The following PRKG1 variants were observed in gnomAD, a reference collection of about 807,000 sequenced individuals.
PRKG1 encodes protein kinase cGMP-dependent 1, also known as cGMP-dependent protein kinase 1.
Under a neutral mutation model 88.1 loss-of-function variants are expected in PRKG1, and 35 were observed. The observed-to-expected ratio is 0.40, with a 90% CI of 0.30 to 0.53. PRKG1 has a LOEUF of 0.53. Among genes scored for constraint, PRKG1 ranks in the 20% least tolerant of loss-of-function variants. The pLI is 0.59. For missense variants in PRKG1, 540 were observed against 839.8 expected (o/e 0.64, Z 4.41); for synonymous variants, 303 against 292.5 (o/e 1.04, Z -0.37).
At chr10:51,441,151 A>G (rs1358048261) in intron 2 of PRKG1, among the ~76,000 whole-genome samples, 1 of 151,832 alleles carries the variant, frequency 6.6e-6, no homozygotes, top group Admixed American at 6.6e-5. Flanking sequence ...TTGGATGGTG[A>G]CCATGATGGG....
At chr10:51,866,645 G>T (rs1005104954) in intron 4 of PRKG1, among the ~76,000 whole-genome samples, 2 of 152,060 alleles carry the variant, frequency 1.3e-5, no homozygotes, top group South Asian at 4.1e-4. Context: ...TGCCCATGAG[G>T]TACACTAATT....
chr10:51,911,587 A>T (rs914911113), intron 5 of PRKG1, among the ~76,000 whole-genome samples: 2 of 152,210 alleles, frequency 1.3e-5, no homozygotes, highest in African/African-American at 4.8e-5. Context: ...GTACTCATAC[A>T]TTTGTTTTCA....
intron 5 of PRKG1, among the ~76,000 whole-genome samples, chr10:52,018,775 T>A (rs1845107944): frequency 1.3e-5 from 2 of 152,154 alleles, no homozygotes; most frequent in Non-Finnish European, 2.9e-5. Context: ...TGAATTCAAC[T>A]CCATTGAAAC....
In PRKG1 at chr10:51,400,387, G is replaced by A. The variant is rs182958125; in HGVS notation, c.479-67336G>A. ...TCTCTAAGGAAATAACTTTTACATT[G>A]AGACCTAAATGGCAAGAAGGAGCCA... is the stretch of plus-strand genomic sequence containing the variant. On this transcript the variant is annotated intron_variant, in intron 2 of 17. Transcript: ENST00000373980. Among the ~76,000 whole-genome samples the A allele has an allele frequency of 1.6e-3, 239 of 152,262 alleles. 1 individual carries two copies. Among genetic ancestry groups the A allele is most frequent in the African/African-American group, 5.7e-3 (235 of 41,550 alleles).
chr10:51,003,031 A>T (rs1021443740), intron 1 of PRKG1, among the ~76,000 whole-genome samples: 35 of 152,232 alleles, frequency 2.3e-4, no homozygotes, highest in Non-Finnish European at 4.4e-5. Flanking sequence ...ATCAATGTAT[A>T]GAAATGCTCT....
At chr10:52,093,670 G>A (rs1330691815) in intron 7 of PRKG1, among the ~76,000 whole-genome samples, 1 of 152,142 alleles carries the variant, frequency 6.6e-6, no homozygotes, top group African/African-American at 2.4e-5. Flanking sequence ...TTTCTTCTTT[G>A]TTTTGAATTA....
intron 1 of PRKG1, among the ~76,000 whole-genome samples, chr10:51,049,884 A>G (rs957378376): frequency 6.6e-6 from 1 of 152,136 alleles, no homozygotes; most frequent in Non-Finnish European, 1.5e-5. Context: ...TATGCATGGC[A>G]TGGGTATTCT....
chr10:51,123,408 G>A (rs1021394404), intron 1 of PRKG1, among the ~76,000 whole-genome samples: 7 of 151,952 alleles, frequency 4.6e-5, no homozygotes, highest in East Asian at 3.9e-4. Flanking sequence ...ACCTGAGCCC[G>A]GGCCTGGTGG....
chr10:51,652,799 T>G (rs1310359854), intron 3 of PRKG1, among the ~76,000 whole-genome samples: 1 of 152,244 alleles, frequency 6.6e-6, no homozygotes, highest in South Asian at 2.1e-4. Context: ...ACAGTCACCA[T>G]GCCGTGCAAC....
intron 3 of PRKG1, among the ~76,000 whole-genome samples, chr10:51,621,044 A>G (rs1368832085): frequency 2.9e-5 from 3 of 102,308 alleles, no homozygotes; most frequent in East Asian, 4.0e-4. Context: ...ACTCCTATAT[A>G]TGTGTGTGTC....
At chr10:52,164,175 AC>A (rs1838363455) in intron 9 of PRKG1, among the ~76,000 whole-genome samples, 1 of 151,952 alleles carries the variant, frequency 6.6e-6, no homozygotes, top group Non-Finnish European at 1.5e-5. Flanking sequence ...ACATGGTGAA[AC>A]CCTGTTGCTA....
chr10:51,994,839 A>G (rs1234734668), intron 5 of PRKG1, among the ~76,000 whole-genome samples: 2 of 152,164 alleles, frequency 1.3e-5, no homozygotes, highest in Admixed American at 1.3e-4. Flanking sequence ...TGAAGAAGTC[A>G]CTGCTTCTAT....
At chr10:51,976,674 G>C (rs1843842463) in intron 5 of PRKG1, among the ~76,000 whole-genome samples, 1 of 151,908 alleles carries the variant, frequency 6.6e-6, no homozygotes, top group South Asian at 2.1e-4. Context: ...AAATTCTTAA[G>C]TTAGATTGTA....
intron 10 of PRKG1, among the ~76,000 whole-genome samples, chr10:52,264,032 T>G (rs1430372402): frequency 2.0e-5 from 3 of 152,160 alleles, no homozygotes; most frequent in African/African-American, 7.2e-5. Context: ...ATGTCTTTTT[T>G]CCTGTTGAAT....
At chr10:51,749,988 T>A (rs1434999531) in intron 3 of PRKG1, among the ~76,000 whole-genome samples, 2 of 148,012 alleles carry the variant, frequency 1.4e-5, no homozygotes, top group Non-Finnish European at 3.0e-5. Context: ...CAGGCTGGAG[T>A]GCAATGGCGT....
intron 5 of PRKG1, among the ~76,000 whole-genome samples, chr10:51,944,567 T>C (rs1589442857): frequency 6.6e-6 from 1 of 152,242 alleles, no homozygotes; most frequent in East Asian, 1.9e-4. Flanking sequence ...TTTTGGATCT[T>C]TCCTGCTTTC....
At chr10:52,218,795 G>A (rs1840175672) in intron 9 of PRKG1, among the ~76,000 whole-genome samples, 1 of 152,022 alleles carries the variant, frequency 6.6e-6, no homozygotes. Context: ...AGCCATTAAT[G>A]TTTTCAGGGC....
chr10:51,898,867 A>G (rs866680092), intron 4 of PRKG1, among the ~76,000 whole-genome samples: 4 of 152,146 alleles, frequency 2.6e-5, no homozygotes, highest in Non-Finnish European at 5.9e-5. Flanking sequence ...GCCCATTCAG[A>G]TGCATTTTAT....
chr10:52,183,090 T>C (rs1221035981), intron 9 of PRKG1, among the ~76,000 whole-genome samples: 1 of 152,190 alleles, frequency 6.6e-6, no homozygotes, highest in Non-Finnish European at 1.5e-5. Context: ...CTCATTACCA[T>C]GAAGACATCA....
Sources: allele counts gnomAD v4.1 joint callset (sites outside exome capture counted in the v4.1 genomes callset), GRCh38; gene constraint gnomAD v4.1.1; transcripts MANE v1.5; gene names NCBI Gene and HGNC (gene_info 2026-07-23, HGNC 2026-07-21).